The following ADCY1 variants were observed in gnomAD, a reference collection of about 807,000 sequenced individuals.
ADCY1 encodes adenylate cyclase type 1.
ADCY1 carries 28 observed loss-of-function variants against 105.4 expected under a neutral mutation model. That is an observed-to-expected ratio of 0.27 (90% CI 0.20 to 0.36). The LOEUF (loss-of-function observed/expected upper bound fraction) is 0.36. Ranked by LOEUF, ADCY1 falls within the 10% of genes least tolerant of loss-of-function variation. The pLI is 1.00. For synonymous variants in ADCY1, 655 were observed against 623.8 expected (o/e 1.05, Z -0.75); for missense variants, 977 against 1,434.2 (o/e 0.68, Z 5.15).
chr7:45,629,580 G>A (rs1053596072), intron 4 of ADCY1, among the ~76,000 whole-genome samples: 1 of 150,730 alleles, frequency 6.6e-6, no homozygotes. Flanking sequence ...CTGCAGTGGC[G>A]CAATCTCGGC....
At chr7:45,654,621 C>G (rs1469233657) in intron 5 of ADCY1, among the ~76,000 whole-genome samples, 1 of 152,200 alleles carries the variant, frequency 6.6e-6, no homozygotes, top group Non-Finnish European at 1.5e-5. Flanking sequence ...CCACATGGAG[C>G]ATGCTTCAGT....
chr7:45,708,313 C>T lies in ADCY1; in HGVS notation c.2818-37C>T. The T allele has an allele frequency of 6.6e-7, 1 of 1,524,850 alleles. No individual in the cohort carries two copies. The highest frequency in any genetic ancestry group is 9.1e-7 in the Non-Finnish European group (1 of 1,101,070). 94.5% of individuals were successfully genotyped at this position (1,524,850 alleles called of 1,614,324 possible). On this transcript the variant is annotated intron_variant, in intron 17 of 19. Transcript: ENST00000297323. The surrounding 1 kb of genome is among the most constrained non-coding windows in gnomAD (Gnocchi z 4.7). Reference sequence around the variant, plus strand: ...GTCCCTGGCCCCCTCTTGCCTTGCACTCCCCAGATGTAATGACCCCATCTG... The same window carrying T: ...GTCCCTGGCCCCCTCTTGCCTTGCATTCCCCAGATGTAATGACCCCATCTG...
chr7:45,652,293 G>A (rs548436406), intron 5 of ADCY1, among the ~76,000 whole-genome samples: 3 of 152,332 alleles, frequency 2.0e-5, no homozygotes, highest in African/African-American at 7.2e-5. Flanking sequence ...AATCATATCA[G>A]GATGGTTTGG....
At chr7:45,593,944 C>T (rs1421195345) in intron 2 of ADCY1, among the ~76,000 whole-genome samples, 1 of 152,130 alleles carries the variant, frequency 6.6e-6, no homozygotes, top group East Asian at 1.9e-4. Flanking sequence ...GTTATGTGGG[C>T]AGTGGTATGT....
chr7:45,697,483 CG>C (rs1387734608), intron 14 of ADCY1, among the ~76,000 whole-genome samples: 12 of 151,866 alleles, frequency 7.9e-5, no homozygotes, highest in African/African-American at 2.7e-4. Flanking sequence ...CTCTCCCTCC[CG>C]GGTTCAAGTG....
intron 4 of ADCY1, among the ~76,000 whole-genome samples, chr7:45,626,252 A>G (rs546626502): frequency 6.6e-6 from 1 of 152,234 alleles, no homozygotes; most frequent in Non-Finnish European, 1.5e-5. Context: ...GGAGTGGTCC[A>G]CGGCCTCAGC....
chr7:45,614,018 T>A lies in ADCY1; in HGVS notation c.908+3521T>A, dbSNP rs182071178. 1.7e-3 allele frequency among the ~76,000 whole-genome samples: 264 copies of A among 152,168 alleles called. 1 individual carries two copies. Among genetic ancestry groups the A allele is most frequent in the Middle Eastern group, 0.017 (5 of 294 alleles). ...GCCTTACAAGCAAGGCAAAAAGGAG[T>A]TCTTACATTGAAATGAAAGGATGCA... is the stretch of plus-strand genomic sequence containing the variant. On this transcript the variant is annotated intron_variant, in intron 3 of 19. Transcript: ENST00000297323.
chr7:45,598,760 A>C (rs1793141104), intron 2 of ADCY1, among the ~76,000 whole-genome samples: 5 of 152,228 alleles, frequency 3.3e-5, no homozygotes, highest in Admixed American at 2.6e-4. Context: ...AGTTAGACAG[A>C]ACTTCAAGGA....
At position 45,636,571 on chromosome 7, in the gene ADCY1, CAG is replaced by C. The variant is rs1034388985; in HGVS notation, c.1021-12096_1021-12095del. Among the ~76,000 whole-genome samples, 17 of 152,236 alleles carry C rather than the reference CAG, an allele frequency of 1.1e-4. No individual in the cohort carries two copies. The Middle Eastern group carries it at 0.017, about 152-fold the overall frequency. On this transcript the variant is annotated intron_variant, in intron 4 of 19. Coordinates refer to ENST00000297323, the MANE Select transcript of ADCY1 (RefSeq NM_021116.4). ...GTTCGTTTGTTTGTTTTTGTTGGGA[CAG>C]AGTCTCGCTCAGGCTGGAGTGCAGT...
rs528743856 is a variant in ADCY1, at chr7:45,703,533, C to T, written c.2571+41C>T. 54 of 1,613,260 alleles carry T rather than the reference C, an allele frequency of 3.3e-5. No individual in the cohort carries two copies. The Admixed American group carries it at 6.5e-4, about 19-fold the overall frequency. On this transcript the variant is annotated intron_variant, in intron 15 of 19. Coordinates refer to ENST00000297323, the MANE Select transcript of ADCY1 (RefSeq NM_021116.4). This position sits in a 1 kb window ranked among gnomAD's most constrained non-coding sequence, Gnocchi z 5.9. ...GCTCCTGGCCAGCACTAGCCCTACA[C>T]TGCTCTGGCCACCCCACTTGGCGCT...
At chr7:45,601,325 G>C (rs1213944135) in intron 2 of ADCY1, among the ~76,000 whole-genome samples, 4 of 152,172 alleles carry the variant, frequency 2.6e-5, no homozygotes, top group African/African-American at 9.7e-5. Context: ...TGGCTCTGAT[G>C]GACTGTGGCT....
chr7:45,688,667 T>C (rs531396744), intron 14 of ADCY1, among the ~76,000 whole-genome samples: 5 of 152,176 alleles, frequency 3.3e-5, no homozygotes, highest in Non-Finnish European at 7.3e-5. Flanking sequence ...ACTGTCTATA[T>C]GTGTATCTAT....
In ADCY1 at chr7:45,677,948, G is replaced by T. The variant is rs1202815244; in HGVS notation, c.1685G>T (p.Gly562Val). 27 of 1,614,062 alleles carry T rather than the reference G, an allele frequency of 1.7e-5. No individual in the cohort carries two copies. Among genetic ancestry groups the T allele is most frequent in the Non-Finnish European group, 2.3e-5 (27 of 1,180,046 alleles). Residue 562 changes from glycine (G) to valine (V), a missense_variant, in exon 9 of 20, where the codon GGC becomes GTC. Transcript: ENST00000297323. ...FSTNVVYTTP[G>V]TRVNRYISRL... The stretch of plus-strand genomic sequence containing the variant: ...ACCAACGTTGTCTACACCACCCCGG[G>T]CACTCGCGTCAACAGGTACATCAGC...
Position 45,664,201 on chromosome 7 carries a change from G to T in ADCY1, c.1605+1987G>T. 3 of 1,212,018 alleles carry T rather than the reference G, an allele frequency of 2.5e-6. No individual in the cohort carries two copies. The Admixed American group carries it at 6.0e-5, about 24-fold the overall frequency. The allele number at this position is 1,212,018 out of a possible 1,614,324, so 75.1% of individuals were successfully genotyped here. ...GATTTTACAAGGAAGTGCACCGTTG[G>T]GCCTAGGAGAAGTTTCAGAGCCTGG... On this transcript the variant is annotated intron_variant, in intron 8 of 19. Coordinates refer to ENST00000297323, the MANE Select transcript of ADCY1 (RefSeq NM_021116.4).
rs576715742 is a variant in ADCY1 at position 45,666,365 on chromosome 7, T to C, written c.1605+4151T>C. On this transcript the variant is annotated intron_variant, in intron 8 of 19. Transcript: ENST00000297323. ...GTGTTCTCATTATTCAATTCCCACATGTAAGTGAGAACATGCGGTGTTTGG... is the reference window on the plus strand; with the variant it reads ...GTGTTCTCATTATTCAATTCCCACACGTAAGTGAGAACATGCGGTGTTTGG... Among the ~76,000 whole-genome samples, 15 of 152,316 alleles carry C rather than the reference T, an allele frequency of 9.8e-5. No individual in the cohort carries two copies. In the South Asian group the frequency reaches 2.7e-3, roughly 27 times the overall value.
intron 14 of ADCY1, among the ~76,000 whole-genome samples, chr7:45,691,218 G>T (rs944869714): frequency 2.6e-5 from 4 of 152,178 alleles, no homozygotes; most frequent in Non-Finnish European, 5.9e-5. Context: ...AGTAATTTTA[G>T]GGCTAGAATA....
At chr7:45,617,062 C>T (rs1048372123) in intron 3 of ADCY1, among the ~76,000 whole-genome samples, 3 of 152,202 alleles carry the variant, frequency 2.0e-5, no homozygotes, top group Non-Finnish European at 4.4e-5. Context: ...TGCCCTGGGT[C>T]CCACACCGAT....
chr7:45,610,469 A>G lies in ADCY1; in HGVS notation c.880A>G (p.Ile294Val). Reference protein sequence around the residue: ...LKPPERIFHKIYIQRHDNVSI... With the variant: ...LKPPERIFHKVYIQRHDNVSI... Reference sequence around the variant, plus strand: ...GCCCCCTGAGAGGATTTTCCACAAGATTTACATCCAGAGGCACGACAATGT... The same window carrying G: ...GCCCCCTGAGAGGATTTTCCACAAGGTTTACATCCAGAGGCACGACAATGT... The change falls in exon 3 of 20, where the codon ATT (isoleucine) becomes GTT (valine). Residue 294 changes from isoleucine to valine, a missense_variant. Around this residue, in one of 7 missense-constraint regions of ADCY1, gnomAD observed 196 missense variants for 347.8 expected, o/e 0.56. Transcript: ENST00000297323. 1 of 1,613,952 alleles carries G rather than the reference A, an allele frequency of 6.2e-7. No individual in the cohort carries two copies. Among genetic ancestry groups the G allele is most frequent in the Non-Finnish European group, 8.5e-7 (1 of 1,179,966 alleles).
At chr7:45,664,258 G>C in intron 8 of ADCY1, 5 of 1,531,310 alleles carry the variant, frequency 3.3e-6, no homozygotes, top group Non-Finnish European at 4.4e-6. Context: ...AAGCTGTGTC[G>C]GACCCCACAC....
Sources: allele counts gnomAD v4.1 joint callset (sites outside exome capture counted in the v4.1 genomes callset), GRCh38; gene constraint gnomAD v4.1.1; regional missense constraint gnomAD v4.1.1; non-coding constraint Gnocchi (gnomAD v3.1); transcripts MANE v1.5; gene names NCBI Gene and HGNC (gene_info 2026-07-23, HGNC 2026-07-21).